The following INPP5F variants were observed in gnomAD, a reference collection of about 807,000 sequenced individuals.
INPP5F encodes the protein inositol polyphosphate-5-phosphatase F, also known as phosphatidylinositide 4-phosphatase SAC2.
In INPP5F, 97 loss-of-function variants were observed where a neutral mutation model predicts 137.2. That is an observed-to-expected ratio of 0.71 (90% CI 0.60 to 0.84). The LOEUF is 0.84. Among genes scored for constraint, INPP5F ranks in the 40% least tolerant of loss-of-function variants. The pLI, the probability that INPP5F is intolerant of heterozygous loss-of-function variation, is 0.00. For missense variants in INPP5F, 1,271 were observed against 1,371.9 expected, an observed-to-expected ratio of 0.93 and a Z score of 1.16; for synonymous variants, 504 against 476.9, an observed-to-expected ratio of 1.06 and a Z score of -0.74.
chr10:119,778,315 C>A (rs545767963), intron 2 of INPP5F, among the ~76,000 whole-genome samples: 1 of 152,086 alleles, frequency 6.6e-6, no homozygotes, highest in African/African-American at 2.4e-5. Context: ...GCCTATATAT[C>A]CTTTAAAAAA....
Position 119,807,981 on chromosome 10 carries a change from G to A in INPP5F, c.1490G>A (p.Cys497Tyr). 1.2e-6 allele frequency: 2 copies of A among 1,613,948 alleles called. No homozygotes were observed. Among genetic ancestry groups the A allele is most frequent in the Non-Finnish European group, 1.7e-6 (2 of 1,179,968 alleles). The stretch of plus-strand genomic sequence containing the variant: ...CCGGAACAGCCATTACCTGTGAAAT[G>A]TAATCGCATCTACCAGATAATGTGG... ...MPPEQPLPVK[C>Y]NRIYQIMWAN... Residue 497 changes from cysteine to tyrosine, a missense_variant, in exon 13 of 20, where the codon TGT (cysteine) becomes TAT (tyrosine). Cys to Tyr is a radical substitution (Grantham distance 194). This residue lies in a region of INPP5F where 593 missense variants were observed against 712.4 expected (regional missense o/e 0.83). Transcript: ENST00000650623.
intron 2 of INPP5F, among the ~76,000 whole-genome samples, chr10:119,755,602 C>T (rs886752810): frequency 1.6e-4 from 25 of 152,154 alleles, no homozygotes; most frequent in African/African-American, 6.0e-4. Context: ...ATTACAAAAG[C>T]ATGTCAAAAA....
At chr10:119,785,302 T>TTTTTTTTG (rs1554889600) in intron 3 of INPP5F, among the ~76,000 whole-genome samples, 1 of 147,634 alleles carries the variant, frequency 6.8e-6, no homozygotes, top group African/African-American at 2.5e-5. Context: ...TTTTTTTTTT[T>TTTTTTTTG]GGAGACGGAG....
chr10:119,802,117 G>A (rs1850614523), intron 9 of INPP5F, among the ~76,000 whole-genome samples: 1 of 152,156 alleles, frequency 6.6e-6, no homozygotes. Context: ...TGAGATAGGT[G>A]ATGTGGGGGA....
chr10:119,797,398 A>T (rs1383724244), intron 7 of INPP5F, 63 bp from the exon 8 acceptor site: 2 of 1,289,868 alleles, frequency 1.6e-6, no homozygotes, highest in Non-Finnish European at 2.2e-6. Flanking sequence ...TAGGAAGCAT[A>T]ATCTAGCCAG....
At position 119,809,616 on chromosome 10, in the gene INPP5F, G is replaced by A. The variant is rs138726402; in HGVS notation, c.1570-484G>A. Among the ~76,000 whole-genome samples, 28 of 152,338 alleles carry A rather than the reference G, an allele frequency of 1.8e-4. No individual in the cohort carries two copies. The East Asian group carries it at 5.2e-3, about 28-fold the overall frequency. On this transcript the variant is annotated intron_variant, in intron 13 of 19. Transcript: ENST00000650623. ...GTTGTTCTACAGGTGCTGGTGATGT[G>A]CAGCAAGGTAAGGAAACTCCTGCTT...
chr10:119,793,923 G>A lies in INPP5F; in HGVS notation c.669+1710G>A, dbSNP rs537202121. 2.7e-4 allele frequency among the ~76,000 whole-genome samples: 41 copies of A among 152,330 alleles called. No individual in the cohort carries two copies. The South Asian group carries it at 8.3e-3, about 31-fold the overall frequency. ...GCCTCCTAAAGTGCTGGGATTACAG[G>A]CATTGATCCACTGCAACTGACCAGA... On this transcript the variant is annotated intron_variant, in intron 6 of 19. Coordinates refer to ENST00000650623, the MANE Select transcript of INPP5F (RefSeq NM_014937.4).
chr10:119,828,707 A>G lies in INPP5F; in HGVS notation c.*927A>G, dbSNP rs1253737848. ...ACATCTGTCTCTACAAAAAAATACA[A>G]AAATTAGCTGGGCATAGTGGTGCAT... On this transcript the variant is annotated 3_prime_UTR_variant, in exon 20 of 20. Coordinates refer to ENST00000650623, the MANE Select transcript of INPP5F (RefSeq NM_014937.4). 6.6e-6 allele frequency: 1 copy of G among 152,298 alleles called. No individual in the cohort carries two copies. Among genetic ancestry groups the G allele is most frequent in the Non-Finnish European group, 1.5e-5 (1 of 68,144 alleles). The allele number at this position is 152,298 out of a possible 1,614,324, so 9.4% of individuals were successfully genotyped here.
At chr10:119,794,336 G>T (rs561719320) in intron 6 of INPP5F, among the ~76,000 whole-genome samples, 1 of 152,196 alleles carries the variant, frequency 6.6e-6, no homozygotes, top group African/African-American at 2.4e-5. Context: ...GGGTTGGGGG[G>T]TAAGGTCACA....
At position 119,822,993 on chromosome 10, in the gene INPP5F, T is replaced by A. The variant is rs1267080789; in HGVS notation, c.2033-78T>A. On this transcript the variant is annotated intron_variant, in intron 17 of 19. Transcript: ENST00000650623. ...GTCATTTATATTATGAAGAAAAATG[T>A]GTTGGGTCTTTTTAAGATAATAGAA... The A allele has an allele frequency of 2.9e-6, 4 of 1,375,132 alleles. No homozygotes were observed. In the East Asian group the frequency reaches 9.4e-5, roughly 32 times the overall value. 85.2% of individuals were successfully genotyped at this position (1,375,132 alleles called of 1,614,324 possible).
intron 9 of INPP5F, chr10:119,799,373 A>AG: frequency 2.4e-6 from 1 of 409,140 alleles, no homozygotes; most frequent in Non-Finnish European, 4.8e-6. Flanking sequence ...ATGTATATGG[A>AG]GGAAAAAAAA....
intron 7 of INPP5F, 55 bp from the exon 8 acceptor site, chr10:119,797,406 C>A (rs1850424225): frequency 1.5e-6 from 2 of 1,356,950 alleles, no homozygotes; most frequent in Non-Finnish European, 2.0e-6. Context: ...ATAATCTAGC[C>A]AGACTAAATA....
intron 15 of INPP5F, among the ~76,000 whole-genome samples, chr10:119,817,001 C>T (rs1251339835): frequency 2.0e-5 from 3 of 152,198 alleles, no homozygotes; most frequent in Admixed American, 1.3e-4. Flanking sequence ...CACTTCCTTA[C>T]CCTCCACACT....
intron 2 of INPP5F, among the ~76,000 whole-genome samples, chr10:119,780,406 C>G (rs1370274416): frequency 6.6e-6 from 1 of 151,970 alleles, no homozygotes; most frequent in Non-Finnish European, 1.5e-5. Flanking sequence ...AAAACCCCAT[C>G]TCTTAAAAAA....
intron 12 of INPP5F, among the ~76,000 whole-genome samples, chr10:119,807,215 G>C (rs1395546184): frequency 6.6e-6 from 1 of 152,164 alleles, no homozygotes; most frequent in Non-Finnish European, 1.5e-5. Flanking sequence ...GGAGGTTGTA[G>C]TGAGCCCAGA....
intron 2 of INPP5F, among the ~76,000 whole-genome samples, chr10:119,758,641 C>T (rs552542592): frequency 6.6e-5 from 10 of 152,252 alleles, no homozygotes; most frequent in Non-Finnish European, 4.4e-5. Context: ...ATATATCCCA[C>T]GATATATTCA....
chr10:119,797,093 G>C (rs1850411709), intron 7 of INPP5F, among the ~76,000 whole-genome samples, 180 bp downstream of exon 7: 2 of 152,178 alleles, frequency 1.3e-5, no homozygotes, highest in Non-Finnish European at 2.9e-5. Flanking sequence ...GTGAATAAGA[G>C]AGAGTTAGCA....
Position 119,775,804 on chromosome 10 carries a change from T to TA in INPP5F, c.179-5823dup, listed in dbSNP as rs1221370186. On this transcript the variant is annotated intron_variant, in intron 2 of 19. Transcript: ENST00000650623. ...TTTGAAGATGTCTAAAAGGGAAGTT[T>TA]AAAAAAAATCCTATCGGCCAGTTGC... is the stretch of plus-strand genomic sequence containing the variant. 9.2e-5 allele frequency among the ~76,000 whole-genome samples: 14 copies of TA among 152,170 alleles called. No homozygotes were observed. The East Asian group carries it at 2.7e-3, about 29-fold the overall frequency.
intron 3 of INPP5F, among the ~76,000 whole-genome samples, chr10:119,791,032 A>G (rs1850124898): frequency 6.6e-6 from 1 of 152,202 alleles, no homozygotes; most frequent in Admixed American, 6.5e-5. Context: ...GGAGTGGTTG[A>G]AATGTCCAGC....
Sources: gnomAD v4.1 joint callset for allele counts (sites outside exome capture counted in the v4.1 genomes callset) on GRCh38, gnomAD v4.1.1 for gene constraint, gnomAD v4.1.1 regional missense constraint, MANE v1.5 for transcripts, NCBI Gene and HGNC (gene_info 2026-07-23, HGNC 2026-07-21) for gene names.